Variants in PDE10A observed in about 807,000 individuals in gnomAD.
PDE10A encodes the protein phosphodiesterase 10A, also known as cAMP and cAMP-inhibited cGMP 3',5'-cyclic phosphodiesterase 10A.
PDE10A carries 39 observed loss-of-function variants against 97.7 expected under a neutral mutation model. The ratio of observed to expected loss-of-function variants is 0.40; its 90% CI spans 0.31 to 0.52. The LOEUF (loss-of-function observed/expected upper bound fraction) is 0.52, where lower values mean the gene tolerates loss of function less well. Among genes scored for constraint, PDE10A ranks in the 20% least tolerant of loss-of-function variants. The pLI is 0.56. For synonymous variants in PDE10A, 371 were observed against 376.8 expected (o/e 0.98, Z 0.18); for missense variants, 731 against 1,047.8 (o/e 0.70, Z 4.17).
intron 3 of PDE10A, among the ~76,000 whole-genome samples, chr6:165,460,412 A>G (rs970620569): frequency 6.6e-6 from 1 of 152,214 alleles, no homozygotes; most frequent in African/African-American, 2.4e-5. Context: ...AATGGGAAAA[A>G]GTGAAATTAA....
chr6:165,884,964 C>T (rs1266441751), intron 1 of PDE10A, among the ~76,000 whole-genome samples: 2 of 152,260 alleles, frequency 1.3e-5, no homozygotes, highest in Non-Finnish European at 2.9e-5. Flanking sequence ...CTGTGTCGTC[C>T]TGTGTGGGTT....
In PDE10A at chr6:165,767,582, T is replaced by C. The variant is rs530540505; in HGVS notation, c.-615+219947A>G. 1.1e-4 allele frequency among the ~76,000 whole-genome samples: 16 copies of C among 152,376 alleles called. No homozygotes were observed. The East Asian group carries it at 2.9e-3, about 28-fold the overall frequency. On this transcript the variant is annotated intron_variant, in intron 1 of 19. Transcript: ENST00000366882. ...CTGGCTTCTCTCTCTTAGCATAATG[T>C]TCTCAAGAGTCATCGATGCTGTGGC... is the stretch of plus-strand genomic sequence containing the variant.
chr6:165,415,628 C>T (rs1208911553), intron 12 of PDE10A, among the ~76,000 whole-genome samples: 1 of 152,094 alleles, frequency 6.6e-6, no homozygotes, highest in African/African-American at 2.4e-5. Flanking sequence ...GGTAAATTTT[C>T]CAGACCTTTC....
At chr6:165,382,659 T>C (rs945086460) in intron 17 of PDE10A, among the ~76,000 whole-genome samples, 2 of 152,250 alleles carry the variant, frequency 1.3e-5, no homozygotes, top group African/African-American at 2.4e-5. Context: ...TATTAAAATA[T>C]GTACAAAATA....
At position 165,943,274 on chromosome 6, in the gene PDE10A, G is replaced by GGAAA. The variant is rs1262892585; in HGVS notation, c.-615+44251_-615+44254dup. Among the ~76,000 whole-genome samples, 118 of 58,786 alleles carry GGAAA rather than the reference G, an allele frequency of 2.0e-3. 15 individuals are homozygous for GGAAA. The highest frequency in any genetic ancestry group is 9.6e-3 in the African/African-American group (94 of 9,814). 38.6% of individuals were successfully genotyped at this position (58,786 alleles called of 152,430 possible). On this transcript the variant is annotated intron_variant, in intron 1 of 19. Transcript: ENST00000366882. ...AGGAAGGAAGGAAGGAAGGAAGGAAGGAAAGAAAGAAAGAAAGAAGGAAAG... is the reference window on the plus strand; with the variant it reads ...AGGAAGGAAGGAAGGAAGGAAGGAAGGAAAGAAAGAAAGAAAGAAAGAAGGAAAG...
At chr6:165,894,930 C>T (rs1429847744) in intron 1 of PDE10A, among the ~76,000 whole-genome samples, 1 of 152,170 alleles carries the variant, frequency 6.6e-6, no homozygotes, top group African/African-American at 2.4e-5. Context: ...TCATATCCTA[C>T]AATGACTGAT....
intron 2 of PDE10A, among the ~76,000 whole-genome samples, chr6:165,521,253 G>T (rs567275470): frequency 2.0e-5 from 3 of 151,984 alleles, no homozygotes; most frequent in African/African-American, 7.2e-5. Context: ...GCTGTTCCCC[G>T]ATCTCTCTCC....
chr6:165,577,871 G>A (rs1034154566), intron 1 of PDE10A, among the ~76,000 whole-genome samples: 6 of 152,202 alleles, frequency 3.9e-5, no homozygotes, highest in Non-Finnish European at 8.8e-5. Context: ...GAGGGCCCGA[G>A]ACCCGAGTCC....
At chr6:165,422,230 G>A (rs79659751) in intron 10 of PDE10A, among the ~76,000 whole-genome samples, 9,835 of 151,592 alleles carry the variant, frequency 0.065, 410 homozygotes, top group Middle Eastern at 0.16. Context: ...CAAACATCAG[G>A]TCAATCTAAA....
At chr6:165,441,955 T>C (rs1171900366) in intron 5 of PDE10A, among the ~76,000 whole-genome samples, 2 of 152,214 alleles carry the variant, frequency 1.3e-5, no homozygotes, top group Non-Finnish European at 2.9e-5. Flanking sequence ...TATCTAGGTT[T>C]TCACATTTGT....
At chr6:165,691,739 C>T (rs1420502625) in intron 1 of PDE10A, among the ~76,000 whole-genome samples, 1 of 152,238 alleles carries the variant, frequency 6.6e-6, no homozygotes, top group Non-Finnish European at 1.5e-5. Flanking sequence ...CCTGTTCCTC[C>T]CAGGTGGCCA....
chr6:165,651,965 G>A (rs1789708633), intron 1 of PDE10A, among the ~76,000 whole-genome samples: 1 of 151,984 alleles, frequency 6.6e-6, no homozygotes, highest in South Asian at 2.1e-4. Flanking sequence ...ACGTGTCTGG[G>A]TTTGTTAACA....
intron 1 of PDE10A, among the ~76,000 whole-genome samples, chr6:165,857,240 C>T (rs747027198): frequency 2.0e-5 from 3 of 152,258 alleles, no homozygotes; most frequent in South Asian, 2.1e-4. Context: ...CCATCTCAGT[C>T]GGCTAAGTAT....
chr6:165,567,766 CAT>C (rs1290790419), intron 1 of PDE10A, among the ~76,000 whole-genome samples: 16 of 152,242 alleles, frequency 1.1e-4, no homozygotes, highest in Non-Finnish European at 4.4e-5. Context: ...TCCAAGGTCA[CAT>C]GTCTAAAATG....
At chr6:165,656,409 T>C (rs763302278) in intron 1 of PDE10A, among the ~76,000 whole-genome samples, 4 of 151,754 alleles carry the variant, frequency 2.6e-5, no homozygotes, top group East Asian at 2.0e-4. Context: ...CGACCATTCA[T>C]GTGCATGGCC....
At chr6:165,608,125 A>G (rs1787311543) in intron 1 of PDE10A, among the ~76,000 whole-genome samples, 1 of 148,726 alleles carries the variant, frequency 6.7e-6, no homozygotes, top group African/African-American at 2.5e-5. Flanking sequence ...TATATATTTT[A>G]TTATACTTTA....
chr6:165,804,749 C>A (rs374183667), intron 1 of PDE10A, among the ~76,000 whole-genome samples: 1 of 151,704 alleles, frequency 6.6e-6, no homozygotes, highest in Admixed American at 6.6e-5. Flanking sequence ...GAGGGGTGAG[C>A]GCGGGGTCGG....
In PDE10A at chr6:165,913,175, C is replaced by T. The variant is rs1253604915; in HGVS notation, c.-615+74354G>A. ...TTAGACTTGGATCCCATCCCCAAGGCATTTCATTATGTATATGCAAATATT... is the reference window on the plus strand; with the variant it reads ...TTAGACTTGGATCCCATCCCCAAGGTATTTCATTATGTATATGCAAATATT... On this transcript the variant is annotated intron_variant, in intron 1 of 19. Transcript: ENST00000366882. Among the ~76,000 whole-genome samples the T allele has an allele frequency of 2.6e-5, 4 of 152,136 alleles. No homozygotes were observed. In the South Asian group the frequency reaches 6.2e-4, roughly 24 times the overall value.
intron 1 of PDE10A, among the ~76,000 whole-genome samples, chr6:165,639,782 C>A (rs1249128239): frequency 6.8e-6 from 1 of 146,806 alleles, no homozygotes; most frequent in Non-Finnish European, 1.5e-5. Context: ...AAAAATCAAT[C>A]TATGGCCAGG....
Sources: allele counts gnomAD v4.1 joint callset (sites outside exome capture counted in the v4.1 genomes callset), GRCh38; gene constraint gnomAD v4.1.1; transcripts MANE v1.5; gene names NCBI Gene and HGNC (gene_info 2026-07-23, HGNC 2026-07-21).